The following FOXP1 variants were observed in gnomAD, a reference collection of about 807,000 sequenced individuals.
FOXP1 encodes the protein forkhead box protein P1.
Under a neutral mutation model 98.2 loss-of-function variants are expected in FOXP1, and 15 were observed. The ratio of observed to expected loss-of-function variants is 0.15; its 90% CI spans 0.10 to 0.24. The LOEUF (loss-of-function observed/expected upper bound fraction) is 0.24, where lower values mean the gene tolerates loss of function less well. FOXP1 is among the 10% of genes least tolerant of loss of function. The pLI is 1.00. For synonymous variants in FOXP1, 371 were observed against 314.5 expected, an observed-to-expected ratio of 1.18 and a Z score of -1.90; for missense variants, 633 against 848.5, an observed-to-expected ratio of 0.75 and a Z score of 3.15.
intron 14 of FOXP1, among the ~76,000 whole-genome samples, chr3:70,985,715 C>G (rs1423893605): frequency 6.6e-6 from 1 of 151,490 alleles, no homozygotes; most frequent in Non-Finnish European, 1.5e-5. Flanking sequence ...GGTAATACAA[C>G]AGTACATTTA....
chr3:71,111,317 G>A (rs1018909318), intron 7 of FOXP1, among the ~76,000 whole-genome samples: 1 of 152,170 alleles, frequency 6.6e-6, no homozygotes, highest in Non-Finnish European at 1.5e-5. Context: ...TCTCTTAAAC[G>A]TGAGCATGAA....
Position 71,420,482 on chromosome 3 carries a change from T to A in FOXP1, c.-167-61238A>T, listed in dbSNP as rs139163438. On this transcript the variant is annotated intron_variant, in intron 3 of 20. Transcript: ENST00000649528. ...GATGAAGTCTGTGCATCCCAAATGT[T>A]CCTATCATGGGACTCCTTAAAATGG... Among the ~76,000 whole-genome samples, 10 of 152,182 alleles carry A rather than the reference T, an allele frequency of 6.6e-5. No homozygotes were observed. In the East Asian group the frequency reaches 1.5e-3, roughly 24 times the overall value.
Position 70,970,758 on chromosome 3 carries a change from G to T in FOXP1, c.1700C>A (p.Thr567Lys), listed in dbSNP as rs762355060. The T allele has an allele frequency of 3.1e-6, 5 of 1,613,890 alleles. No individual in the cohort carries two copies. The highest frequency in any genetic ancestry group is 3.4e-6 in the Non-Finnish European group (4 of 1,179,742). The change falls in exon 19 of 21, where the codon ACA becomes AAA. Residue 567 changes from threonine to lysine, a missense_variant. This residue lies in a region of FOXP1 where 150 missense variants were observed against 163.7 expected (regional missense o/e 0.92). Coordinates refer to ENST00000649528, the MANE Select transcript of FOXP1 (RefSeq NM_001349338.3). Reference protein sequence around the residue: ...KNMQSSHAYCTPLNAALQASM... With the variant: ...KNMQSSHAYCKPLNAALQASM... ...TACCTGTAAAGCTGCATTGAGAGGT[G>T]TGCAGTAGGCGTGGCTGCTCTGCAT...
At chr3:71,564,542 C>G (rs957782712) in intron 2 of FOXP1, among the ~76,000 whole-genome samples, 1 of 152,208 alleles carries the variant, frequency 6.6e-6, no homozygotes, top group South Asian at 2.1e-4. Flanking sequence ...TGTTAAAAGT[C>G]TCTGGTTGGC....
intron 4 of FOXP1, among the ~76,000 whole-genome samples, chr3:71,327,801 A>C (rs1337532394): frequency 6.6e-6 from 1 of 152,188 alleles, no homozygotes; most frequent in Non-Finnish European, 1.5e-5. Flanking sequence ...TTATATCTCA[A>C]TCTCAAAGTA....
chr3:71,445,675 A>G (rs2086344091), intron 3 of FOXP1, among the ~76,000 whole-genome samples: 1 of 149,092 alleles, frequency 6.7e-6, no homozygotes, highest in Non-Finnish European at 1.5e-5. Context: ...ATATCTATCA[A>G]TAGATATTTA....
intron 12 of FOXP1, among the ~76,000 whole-genome samples, chr3:71,009,197 A>C (rs1204229223): frequency 3.2e-5 from 4 of 124,100 alleles, no homozygotes; most frequent in African/African-American, 1.3e-4. Context: ...ATCTCCCCTC[A>C]AATATGACTA....
chr3:71,162,187 C>T (rs1483388513), intron 6 of FOXP1, among the ~76,000 whole-genome samples: 1 of 152,174 alleles, frequency 6.6e-6, no homozygotes, highest in Admixed American at 6.5e-5. Context: ...TTCTGCTGAA[C>T]AGGTAGCTCC....
At chr3:71,218,698 C>T (rs561567040) in intron 5 of FOXP1, among the ~76,000 whole-genome samples, 6 of 152,270 alleles carry the variant, frequency 3.9e-5, no homozygotes, top group South Asian at 2.1e-4. Context: ...TGTAAACAAA[C>T]GGGTGTGGCT....
chr3:71,351,984 G>A (rs1436725683), intron 4 of FOXP1, among the ~76,000 whole-genome samples: 1 of 152,160 alleles, frequency 6.6e-6, no homozygotes, highest in African/African-American at 2.4e-5. Flanking sequence ...TAGCTCTTGT[G>A]TTAGCAAAAA....
At chr3:71,516,862 G>C (rs1319302291) in intron 2 of FOXP1, among the ~76,000 whole-genome samples, 1 of 152,098 alleles carries the variant, frequency 6.6e-6, no homozygotes, top group African/African-American at 2.4e-5. Flanking sequence ...GAAAAGAAAA[G>C]AAAAGACTCA....
intron 11 of FOXP1, among the ~76,000 whole-genome samples, chr3:71,027,430 G>C (rs1436339871): frequency 2.0e-5 from 3 of 152,112 alleles, no homozygotes; most frequent in Non-Finnish European, 4.4e-5. Flanking sequence ...ATACAAAATG[G>C]CTCAAAACTA....
At chr3:71,210,874 T>A (rs1024163437) in intron 5 of FOXP1, 8 of 152,352 alleles carry the variant, frequency 5.3e-5, no homozygotes, top group Middle Eastern at 3.4e-3. Flanking sequence ...TCAGCTCTTG[T>A]CCAGTTCTCC....
intron 14 of FOXP1, among the ~76,000 whole-genome samples, chr3:70,984,842 G>A (rs545549718): frequency 5.9e-5 from 9 of 152,256 alleles, no homozygotes; most frequent in East Asian, 1.9e-4. Flanking sequence ...GCACCTTCCC[G>A]AGATGAGCGT....
intron 2 of FOXP1, among the ~76,000 whole-genome samples, chr3:71,510,479 A>C (rs982025152): frequency 6.8e-6 from 1 of 148,012 alleles, no homozygotes; most frequent in Non-Finnish European, 1.5e-5. Flanking sequence ...TCTGTCTCTA[A>C]AAAAAAAAAA....
intron 7 of FOXP1, among the ~76,000 whole-genome samples, chr3:71,088,292 C>G (rs1470098633): frequency 1.3e-5 from 2 of 152,226 alleles, no homozygotes; most frequent in Non-Finnish European, 1.5e-5. Flanking sequence ...CCCTGGCCAG[C>G]CAGTCAAACA....
At chr3:71,565,198 T>C (rs369573704) in intron 2 of FOXP1, among the ~76,000 whole-genome samples, 1 of 152,022 alleles carries the variant, frequency 6.6e-6, no homozygotes, top group Non-Finnish European at 1.5e-5. Flanking sequence ...AGTGGAGTGT[T>C]AGGGGTTAAA....
At chr3:71,195,739 A>C (rs2063261512) in intron 6 of FOXP1, among the ~76,000 whole-genome samples, 1 of 152,246 alleles carries the variant, frequency 6.6e-6, no homozygotes, top group Non-Finnish European at 1.5e-5. Flanking sequence ...TGACTACCGC[A>C]GTAATGAATT....
chr3:71,287,440 T>A (rs2072269693), intron 5 of FOXP1, among the ~76,000 whole-genome samples: 1 of 152,024 alleles, frequency 6.6e-6, no homozygotes, highest in Non-Finnish European at 1.5e-5. Flanking sequence ...ACCACTGCAC[T>A]CCAGCCTGGG....
Sources: gnomAD v4.1 joint callset for allele counts (sites outside exome capture counted in the v4.1 genomes callset) on GRCh38, gnomAD v4.1.1 for gene constraint, gnomAD v4.1.1 regional missense constraint, MANE v1.5 for transcripts, NCBI Gene and HGNC (gene_info 2026-07-23, HGNC 2026-07-21) for gene names.